VLDLR: variants seen among roughly 807,000 people sequenced by gnomAD.
VLDLR encodes the protein very low-density lipoprotein receptor.
Under a neutral mutation model 112.7 loss-of-function variants are expected in VLDLR, and 81 were observed. The observed-to-expected ratio is 0.72, with a 90% confidence interval of 0.60 to 0.86. The LOEUF is 0.86. VLDLR is among the 40% of genes least tolerant of loss of function. VLDLR has a pLI of 0.00. For missense variants in VLDLR, 1,237 were observed against 1,099.4 expected (o/e 1.13, Z -1.77); for synonymous variants, 436 against 384.8 (o/e 1.13, Z -1.56).
intron 2 of VLDLR, among the ~76,000 whole-genome samples, chr9:2,638,598 C>T (rs1008269311): frequency 1.3e-5 from 2 of 152,308 alleles, no homozygotes; most frequent in African/African-American, 2.4e-5. Context: ...CATCCTGCTC[C>T]GTGATTCCTT....
At chr9:2,652,396 C>T (rs148130950) in intron 17 of VLDLR, among the ~76,000 whole-genome samples, 44 of 152,272 alleles carry the variant, frequency 2.9e-4, no homozygotes, top group Admixed American at 1.5e-3. Context: ...GACCTCTAAA[C>T]GAGACACGCA....
At position 2,657,825 on chromosome 9, in the gene VLDLR, G is replaced by A. The variant is rs1278226368; in HGVS notation, c.*3957G>A. The A allele has an allele frequency of 6.6e-6, 1 of 152,112 alleles. No homozygotes were observed. The highest frequency in any genetic ancestry group is 1.5e-5 in the Non-Finnish European group (1 of 68,022). The allele number at this position is 152,112 out of a possible 1,614,324, so 9.4% of individuals were successfully genotyped here. A position where few individuals can be genotyped will look rare whatever the true frequency, so the allele number is the denominator to read the frequency against. On this transcript the variant is annotated 3_prime_UTR_variant, in exon 19 of 19. Coordinates refer to ENST00000382100, the MANE Select transcript of VLDLR (RefSeq NM_003383.5). ...TTTTAGGTATTTTTGGTATTATATA[G>A]TCTCTAAGGCCAGAAGGGGCTTATA...
chr9:2,655,121 G>A lies in VLDLR; in HGVS notation c.*1253G>A, dbSNP rs953397628. The A allele has an allele frequency of 1.3e-5, 2 of 152,188 alleles. No individual in the cohort carries two copies. The highest frequency in any genetic ancestry group is 2.9e-5 in the Non-Finnish European group (2 of 68,036). 9.4% of individuals were successfully genotyped at this position (152,188 alleles called of 1,614,324 possible). A position where few individuals can be genotyped will look rare whatever the true frequency, so the allele number is the denominator to read the frequency against. ...CATAAGCCCTTCAGGCGATACTGAT[G>A]TAAACTAAAGCTTAAAAACCACCGT... On this transcript the variant is annotated 3_prime_UTR_variant, in exon 19 of 19. Transcript: ENST00000382100.
In VLDLR at chr9:2,643,665, G is replaced by A. The variant is rs769785296; in HGVS notation, c.858G>A (p.Glu286=). 2 of 1,614,196 alleles carry A rather than the reference G, an allele frequency of 1.2e-6. No individual in the cohort carries two copies. Among genetic ancestry groups the A allele is most frequent in the African/African-American group, 2.7e-5 (2 of 75,046 alleles). The stretch of plus-strand genomic sequence containing the variant: ...GCCGACCTGACCAATTTGAATGTGA[G>A]GATGGCAGCTGCATCCATGGCAGCA... ...RTCRPDQFEC[E]DGSCIHGSRQ... is the part of the protein sequence containing the mutation. The change falls in exon 6 of 19, where the codon GAG becomes GAA. Residue 286 remains glutamate, a synonymous_variant. Coordinates refer to ENST00000382100, the MANE Select transcript of VLDLR (RefSeq NM_003383.5).
chr9:2,622,436 G>A, intron 1 of VLDLR, 165 bp downstream of exon 1: 2 of 599,274 alleles, frequency 3.3e-6, no homozygotes, highest in East Asian at 3.5e-5. Context: ...AGCTGTCAGC[G>A]CCGAGGCTAA....
intron 2 of VLDLR, 122 bp downstream of exon 2, chr9:2,635,694 C>T: frequency 1.4e-6 from 2 of 1,458,940 alleles, no homozygotes; most frequent in South Asian, 1.2e-5. Flanking sequence ...AGAATCTATA[C>T]TTCTCTGTGT....
rs748423184 is a variant in VLDLR at position 2,622,178 on chromosome 9, C to A, written c.-12C>A. ...CGGCGGCGGCGGCGGCGGCACCATC[C>A]AGGCGGGCACCATGGGCACGTCCGC... On this transcript the variant is annotated 5_prime_UTR_variant, in exon 1 of 19. Transcript: ENST00000382100. The A allele has an allele frequency of 6.7e-7, 1 of 1,487,760 alleles. No individual in the cohort carries two copies. Among genetic ancestry groups the A allele is most frequent in the South Asian group, 1.3e-5 (1 of 77,518 alleles). The allele number at this position is 1,487,760 out of a possible 1,614,324, so 92.2% of individuals were successfully genotyped here.
In VLDLR at chr9:2,655,894, A is replaced by C. The variant is rs539798708; in HGVS notation, c.*2026A>C. 5.9e-5 allele frequency: 9 copies of C among 152,058 alleles called. No individual in the cohort carries two copies. The highest frequency in any genetic ancestry group is 1.2e-4 in the Non-Finnish European group (8 of 68,014). The allele number at this position is 152,058 out of a possible 1,614,324, so 9.4% of individuals were successfully genotyped here. ...AGGTTAGCATTCATCATGAACTCTG[A>C]AAGCCATTTCAGAGTTTGGCTGCTG... is the stretch of plus-strand genomic sequence containing the variant. On this transcript the variant is annotated 3_prime_UTR_variant, in exon 19 of 19. Transcript: ENST00000382100.
chr9:2,645,485 T>C (rs566322625), intron 9 of VLDLR, 89 bp from the exon 10 acceptor site: 2 of 1,497,650 alleles, frequency 1.3e-6, no homozygotes, highest in African/African-American at 1.4e-5. Context: ...ACCTTTATTT[T>C]CTAAGTGCTC....
chr9:2,641,539 T>G (rs1317043560), intron 4 of VLDLR, 40 bp downstream of exon 4: 2 of 1,612,140 alleles, frequency 1.2e-6, no homozygotes, highest in East Asian at 4.5e-5. Flanking sequence ...CCAAAGACCC[T>G]TTTCCTAAAG....
In VLDLR at chr9:2,643,294, G is replaced by A. The variant is rs201652132; in HGVS notation, c.583G>A (p.Ala195Thr). 3.2e-5 allele frequency: 52 copies of A among 1,613,536 alleles called. No individual in the cohort carries two copies. The highest frequency in any genetic ancestry group is 1.1e-4 in the East Asian group (5 of 44,862). ...GGACTGTGCCCCGCCAACCTGTGGCGCCCATGAGTTCCAGTGCAGCACCTC... is the reference window on the plus strand; with the variant it reads ...GGACTGTGCCCCGCCAACCTGTGGCACCCATGAGTTCCAGTGCAGCACCTC... ...ELDCAPPTCG[A>T]HEFQCSTSSC... is the part of the protein sequence containing the mutation. Residue 195 changes from alanine to threonine, a missense_variant, in exon 5 of 19, where the codon GCC (alanine) becomes ACC (threonine). By Grantham distance (58) the Ala-to-Thr change is moderately conservative. Coordinates refer to ENST00000382100, the MANE Select transcript of VLDLR (RefSeq NM_003383.5).
At position 2,633,167 on chromosome 9, in the gene VLDLR, A is replaced by G. The variant is rs35880375; in HGVS notation, c.83-2286A>G. On this transcript the variant is annotated intron_variant, in intron 1 of 18. Transcript: ENST00000382100. ...GTAAAGTGGAAATATCTCGGATAAG[A>G]AAAGCTAGAAATTAAACTCCTTTTT... 8.0e-3 allele frequency among the ~76,000 whole-genome samples: 1,224 copies of G among 152,184 alleles called. 10 individuals are homozygous for G. The highest frequency in any genetic ancestry group is 0.014 in the Non-Finnish European group (935 of 68,004).
intron 3 of VLDLR, 149 bp downstream of exon 3, chr9:2,640,130 A>G (rs1305200553): frequency 7.7e-7 from 1 of 1,291,066 alleles, no homozygotes; most frequent in Non-Finnish European, 1.1e-6. Context: ...TCAAATCATT[A>G]CCAGTTTATC....
chr9:2,636,314 A>G (rs1817598454), intron 2 of VLDLR, among the ~76,000 whole-genome samples: 1 of 152,228 alleles, frequency 6.6e-6, no homozygotes, highest in Non-Finnish European at 1.5e-5. Context: ...TTCTGAAACA[A>G]TATTCTATGT....
rs181085711 is a variant in VLDLR at position 2,645,254 on chromosome 9, T to G, written c.1312+172T>G. Among the ~76,000 whole-genome samples, 11 of 152,344 alleles carry G rather than the reference T, an allele frequency of 7.2e-5. 1 individual carries two copies. The highest frequency in any genetic ancestry group is 4.6e-4 in the Admixed American group (7 of 15,308). On this transcript the variant is annotated intron_variant, in intron 9 of 18. Coordinates refer to ENST00000382100, the MANE Select transcript of VLDLR (RefSeq NM_003383.5). Reference sequence around the variant, plus strand: ...AAATAGCAGATCTCTCCCCTAGATATGTACCTTGATCATTCCTTTTGCATA... The same window carrying G: ...AAATAGCAGATCTCTCCCCTAGATAGGTACCTTGATCATTCCTTTTGCATA...
At chr9:2,643,101 A>G in intron 4 of VLDLR, 59 bp from the exon 5 acceptor site, 13 of 1,598,724 alleles carry the variant, frequency 8.1e-6, no homozygotes, top group Non-Finnish European at 1.1e-5. Context: ...TTTTGGGACA[A>G]GAATCTTGAA....
At position 2,641,429 on chromosome 9, in the gene VLDLR, G is replaced by T; in HGVS notation, c.378G>T (p.Gln126His). ...TCAGCTGTGGCGCCCATTCTACTCA[G>T]TGTATCCCAGTGTCCTGGAGATGTG... ...HEISCGAHST[Q>H]CIPVSWRCDG... Residue 126 changes from glutamine to histidine, a missense_variant, in exon 4 of 19, where the codon CAG becomes CAT. By Grantham distance (24) the Gln-to-His change is conservative (BLOSUM62 0). Transcript: ENST00000382100. 1 of 1,614,216 alleles carries T rather than the reference G, an allele frequency of 6.2e-7. No homozygotes were observed. The highest frequency in any genetic ancestry group is 8.5e-7 in the Non-Finnish European group (1 of 1,180,044).
intron 1 of VLDLR, among the ~76,000 whole-genome samples, chr9:2,630,749 C>A (rs1817313035): frequency 6.6e-6 from 1 of 152,164 alleles, no homozygotes; most frequent in Admixed American, 6.6e-5. Flanking sequence ...CTGAGTTTCC[C>A]TCTAGGACAT....
At chr9:2,623,066 G>A (rs1298300635) in intron 1 of VLDLR, among the ~76,000 whole-genome samples, 2 of 152,368 alleles carry the variant, frequency 1.3e-5, no homozygotes, top group East Asian at 3.9e-4. Flanking sequence ...CCTTCCCGGT[G>A]ACGTTTCCTC....
Sources: gnomAD v4.1 joint callset for allele counts (sites outside exome capture counted in the v4.1 genomes callset) on GRCh38, gnomAD v4.1.1 for gene constraint, MANE v1.5 for transcripts, NCBI Gene and HGNC (gene_info 2026-07-23, HGNC 2026-07-21) for gene names.